MTRF1: variants seen among roughly 807,000 people sequenced by gnomAD.
MTRF1 encodes peptide chain release factor 1, mitochondrial.
MTRF1 carries 51 observed loss-of-function variants against 62.9 expected under a neutral mutation model. The ratio of observed to expected loss-of-function variants is 0.81; its 90% CI spans 0.65 to 1.02. The LOEUF is 1.02. MTRF1 is among the 50% of genes least tolerant of loss of function. MTRF1 has a pLI of 0.00. For missense variants in MTRF1, 446 were observed against 530.0 expected (o/e 0.84, Z 1.56); for synonymous variants, 158 against 181.9 (o/e 0.87, Z 1.06).
chr13:41,238,117 C>T (rs953150941), intron 6 of MTRF1, among the ~76,000 whole-genome samples: 1 of 152,024 alleles, frequency 6.6e-6, no homozygotes, highest in Non-Finnish European at 1.5e-5. Context: ...CTAGAAGTAA[C>T]GACACTAATG....
At chr13:41,287,189 G>A in the MTRF1 span, among the ~76,000 whole-genome samples, 4 of 152,182 alleles carry the variant, frequency 2.6e-5, no homozygotes, top group African/African-American at 4.8e-5. Context: ...ATTGGCTCAC[G>A]GTTTTGCAGT....
chr13:41,219,290 CA>C (rs55810411), intron 9 of MTRF1, among the ~76,000 whole-genome samples: 3,148 of 131,764 alleles, frequency 0.024, 48 homozygotes, highest in Middle Eastern at 0.057. Context: ...GACTCTGTCT[CA>C]AAAAAAAAAA....
In MTRF1 at chr13:41,240,346, C is replaced by T. The variant is rs772268317; in HGVS notation, c.785G>A (p.Arg262His). 18 of 1,613,760 alleles carry T rather than the reference C, an allele frequency of 1.1e-5. No homozygotes were observed. Among genetic ancestry groups the T allele is most frequent in the Non-Finnish European group, 5.9e-6 (7 of 1,179,894 alleles). Residue 262 changes from arginine to histidine, a missense_variant, in exon 6 of 10, where the codon CGC (arginine) becomes CAC (histidine). By Grantham distance (29) the Arg-to-His change is conservative (BLOSUM62 0). Transcript: ENST00000379480. ...TGAGGACAGGCCCACCTCGGGGATG[C>T]GCTGAACTCGGTGAATCCCACCCTC... Reference protein sequence around the residue: ...KYEGGIHRVQRIPEVGLSSRM... With the variant: ...KYEGGIHRVQHIPEVGLSSRM...
At chr13:41,236,888 A>G (rs1338882800) in intron 6 of MTRF1, among the ~76,000 whole-genome samples, 1 of 152,140 alleles carries the variant, frequency 6.6e-6, no homozygotes, top group Non-Finnish European at 1.5e-5. Flanking sequence ...TACTTTTAGA[A>G]TAGTGAAATG....
At chr13:41,284,842 C>T in the MTRF1 span, among the ~76,000 whole-genome samples, 3 of 152,100 alleles carry the variant, frequency 2.0e-5, no homozygotes, top group Admixed American at 1.3e-4. Flanking sequence ...TTAGTAGAGA[C>T]GGGATTTCAC....
At chr13:41,273,094 A>G in the MTRF1 span, among the ~76,000 whole-genome samples, 2 of 152,152 alleles carry the variant, frequency 1.3e-5, no homozygotes, top group African/African-American at 4.8e-5. Context: ...TGGGAGGCCG[A>G]GGCGGGTGGA....
chr13:41,246,163 A>T (rs1375889474), intron 5 of MTRF1, among the ~76,000 whole-genome samples: 1 of 152,102 alleles, frequency 6.6e-6, no homozygotes, highest in African/African-American at 2.4e-5. Flanking sequence ...CAGTTTTCAG[A>T]TCCGGCAGAT....
the MTRF1 span, among the ~76,000 whole-genome samples, chr13:41,278,607 T>A: frequency 6.0e-4 from 92 of 152,278 alleles, no homozygotes; most frequent in African/African-American, 2.0e-3. Context: ...TCCACTAATA[T>A]CCAAACTTTT....
intron 6 of MTRF1, among the ~76,000 whole-genome samples, chr13:41,237,899 A>G (rs9594501): frequency 0.016 from 2,450 of 152,250 alleles, 82 homozygotes; most frequent in African/African-American, 0.055. Context: ...TTTTGAAACT[A>G]TTTTATATAT....
intron 5 of MTRF1, 26 bp from the exon 6 acceptor site, chr13:41,240,459 G>A: frequency 6.2e-7 from 1 of 1,603,468 alleles, no homozygotes; most frequent in Non-Finnish European, 8.5e-7. Flanking sequence ...TCCAGAAATA[G>A]TAATGAATTA....
chr13:41,246,127 T>G (rs1221541414), intron 5 of MTRF1, among the ~76,000 whole-genome samples: 1 of 152,170 alleles, frequency 6.6e-6, no homozygotes, highest in Non-Finnish European at 1.5e-5. Context: ...TTCCAGAGAA[T>G]AACCATGAGT....
At chr13:41,247,471 A>G (rs551716366) in intron 5 of MTRF1, among the ~76,000 whole-genome samples, 1 of 152,192 alleles carries the variant, frequency 6.6e-6, no homozygotes, top group Non-Finnish European at 1.5e-5. Flanking sequence ...CTGGTATAGC[A>G]GCTGCAATTG....
At chr13:41,278,642 TC>T in the MTRF1 span, among the ~76,000 whole-genome samples, 2 of 152,216 alleles carry the variant, frequency 1.3e-5, no homozygotes, top group African/African-American at 4.8e-5. Context: ...GACATTAGTA[TC>T]AGCCACTGCA....
intron 1 of MTRF1, chr13:41,261,823 A>C (rs935998750): frequency 3.3e-4 from 322 of 984,290 alleles, no homozygotes; most frequent in Non-Finnish European, 3.8e-4. Flanking sequence ...TTTAGCTGAG[A>C]TCCTAAAGGA....
At chr13:41,274,340 T>C in the MTRF1 span, among the ~76,000 whole-genome samples, 1 of 152,228 alleles carries the variant, frequency 6.6e-6, no homozygotes, top group Non-Finnish European at 1.5e-5. Context: ...CGAGGATGAC[T>C]TATTTCCTGA....
chr13:41,282,030 C>T, the MTRF1 span, among the ~76,000 whole-genome samples: 7 of 151,490 alleles, frequency 4.6e-5, no homozygotes, highest in Non-Finnish European at 1.0e-4. Context: ...CCCAGCTACT[C>T]AGGAGGCTGA....
At chr13:41,233,616 G>A (rs1037582355) in intron 7 of MTRF1, among the ~76,000 whole-genome samples, 18 of 152,136 alleles carry the variant, frequency 1.2e-4, no homozygotes, top group African/African-American at 4.3e-4. Context: ...TGTTTCATCT[G>A]TATTTAGGCT....
chr13:41,240,247 C>A lies in MTRF1; in HGVS notation c.870+14G>T. 5.6e-6 allele frequency: 9 copies of A among 1,595,650 alleles called. No individual in the cohort carries two copies. The highest frequency in any genetic ancestry group is 7.7e-6 in the Non-Finnish European group (9 of 1,169,130). ...GACATGGAGTGAGTTTCCCTTGCCT[C>A]CTCCTGAGGTTACCTCATCTGGCTG... On this transcript the variant is annotated intron_variant, in intron 6 of 9. Coordinates refer to ENST00000379480, the MANE Select transcript of MTRF1 (RefSeq NM_004294.4).
At chr13:41,291,096 CA>C in the MTRF1 span, among the ~76,000 whole-genome samples, 141,811 of 143,366 alleles carry the variant, frequency 0.99, 70,140 homozygotes, top group East Asian at 1. Flanking sequence ...AACTCCGTCT[CA>C]AAAAAAAAAA....
Sources: gnomAD v4.1 joint callset for allele counts (sites outside exome capture counted in the v4.1 genomes callset) on GRCh38, gnomAD v4.1.1 for gene constraint, MANE v1.5 for transcripts, NCBI Gene and HGNC (gene_info 2026-07-23, HGNC 2026-07-21) for gene names.